RP1L1: variants seen among roughly 807,000 people sequenced by gnomAD.
The protein encoded by RP1L1 is RP1 like 1.
In RP1L1, 27 loss-of-function variants were observed where a neutral mutation model predicts 15.7. That is an observed-to-expected ratio of 1.72 (90% CI 1.27 to 2.38). The LOEUF (loss-of-function observed/expected upper bound fraction) is 2.38, where lower values mean the gene tolerates loss of function less well. RP1L1 is among the 30% of genes most tolerant of loss of function. RP1L1 has a pLI of 0.00. For synonymous variants in RP1L1, 1,813 were observed against 1,276.7 expected (o/e 1.42, Z -8.96); for missense variants, 4,798 against 3,075.9 (o/e 1.56, Z -13.24).
At chr8:10,654,238 C>T (rs1465812591) in intron 1 of RP1L1, among the ~76,000 whole-genome samples, 1 of 152,098 alleles carries the variant, frequency 6.6e-6, no homozygotes, top group Non-Finnish European at 1.5e-5. Context: ...GAGAGCAGAC[C>T]CCAGTTTGAT....
chr8:10,635,082 G>C (rs1262485886), intron 1 of RP1L1, among the ~76,000 whole-genome samples: 1 of 152,194 alleles, frequency 6.6e-6, no homozygotes, highest in African/African-American at 2.4e-5. Context: ...TAAACGCACA[G>C]AGCAATGGAA....
chr8:10,613,434 G>A (rs1024748371), intron 3 of RP1L1, 88 bp from the exon 4 acceptor site: 37 of 1,540,642 alleles, frequency 2.4e-5, no homozygotes, highest in African/African-American at 2.0e-4. Context: ...ACAGTCACGA[G>A]CCTCCCACGA....
Position 10,606,814 on chromosome 8 carries a change from G to C in RP1L1, c.*81C>G. ...GTACTATGGACATCTCCAGTGGACT[G>C]AACGTTGCTCAGTTTTGTAGAAAAA... is the stretch of plus-strand genomic sequence containing the variant. On this transcript the variant is annotated 3_prime_UTR_variant, in exon 4 of 4. Transcript: ENST00000382483. 1 of 1,601,292 alleles carries C rather than the reference G, an allele frequency of 6.2e-7. No homozygotes were observed. Among genetic ancestry groups the C allele is most frequent in the Non-Finnish European group, 8.5e-7 (1 of 1,178,496 alleles).
intron 3 of RP1L1, among the ~76,000 whole-genome samples, chr8:10,614,585 C>G (rs1372890307): frequency 6.7e-6 from 1 of 148,610 alleles, no homozygotes; most frequent in Non-Finnish European, 1.5e-5. Flanking sequence ...CACTTGAACC[C>G]GAGAGGCGGA....
At position 10,607,269 on chromosome 8, in the gene RP1L1, G is replaced by T. The variant is rs755119956; in HGVS notation, c.6829C>A (p.Pro2277Thr). ...CCACCTGGGGAAGGGGGTGGAGTGG[G>T]CCTGTCCTCAGGGACTGGGCTGCTG... ...ESSSPVPEDR[P>T]TPPPSPGGDT... Residue 2277 changes from proline (P) to threonine (T), a missense_variant, in exon 4 of 4, where the codon CCC (proline) becomes ACC (threonine). Physicochemically the swap from Pro to Thr is conservative, Grantham distance 38 (BLOSUM62 -1). Transcript: ENST00000382483. The T allele has an allele frequency of 1.2e-6, 2 of 1,614,216 alleles. No homozygotes were observed. Among genetic ancestry groups the T allele is most frequent in the Non-Finnish European group, 1.7e-6 (2 of 1,180,034 alleles).
In RP1L1 at chr8:10,623,022, G is replaced by A. The variant is rs368087618; in HGVS notation, c.180C>T (p.Thr60=). 18 of 1,614,052 alleles carry A rather than the reference G, an allele frequency of 1.1e-5. No individual in the cohort carries two copies. The highest frequency in any genetic ancestry group is 1.3e-5 in the African/African-American group (1 of 74,920). The change falls in exon 2 of 4, where the codon ACC becomes ACT. Residue 60 remains threonine (T), a synonymous_variant. Transcript: ENST00000382483. The part of the protein sequence containing the change: ...RLAVHQRAFK[T]FSALMDELSQ... The stretch of plus-strand genomic sequence containing the variant: ...AGAGCTCGTCCATGAGGGCGCTGAA[G>A]GTCTTAAAGGCGCGCTGGTGAACGG...
At chr8:10,630,504 G>C (rs144025837) in intron 1 of RP1L1, among the ~76,000 whole-genome samples, 8 of 152,334 alleles carry the variant, frequency 5.3e-5, no homozygotes, top group Non-Finnish European at 1.0e-4. Flanking sequence ...TCAAGGACAG[G>C]TTGAAAGAAA....
chr8:10,637,803 G>C (rs1313250685), intron 1 of RP1L1, among the ~76,000 whole-genome samples: 1 of 152,240 alleles, frequency 6.6e-6, no homozygotes, highest in Non-Finnish European at 1.5e-5. Flanking sequence ...GAAGTAGGAA[G>C]AGAGAGAGGA....
intron 1 of RP1L1, 44 bp from the exon 2 acceptor site, chr8:10,623,264 G>T (rs1385837173): frequency 7.7e-6 from 11 of 1,427,594 alleles, no homozygotes; most frequent in Admixed American, 4.6e-5. Context: ...CAGCTTGGGG[G>T]ATTGGCATTT....
intron 1 of RP1L1, among the ~76,000 whole-genome samples, chr8:10,646,795 A>C (rs944767927): frequency 6.6e-6 from 1 of 152,226 alleles, no homozygotes; most frequent in African/African-American, 2.4e-5. Context: ...TCCTTACAAA[A>C]CAAGGATAAT....
intron 1 of RP1L1, among the ~76,000 whole-genome samples, chr8:10,650,632 C>T (rs948801498): frequency 2.0e-5 from 3 of 151,790 alleles, no homozygotes; most frequent in Admixed American, 2.0e-4. Flanking sequence ...TCTCAGCTCA[C>T]TGCTAACCTC....
Position 10,611,909 on chromosome 8 carries a change from T to C in RP1L1, c.2189A>G (p.Gln730Arg). 6.2e-7 allele frequency: 1 copy of C among 1,613,858 alleles called. No individual in the cohort carries two copies. Among genetic ancestry groups the C allele is most frequent in the Non-Finnish European group, 8.5e-7 (1 of 1,180,022 alleles). Residue 730 changes from glutamine (Q) to arginine (R), a missense_variant, in exon 4 of 4, where the codon CAG becomes CGG. Transcript: ENST00000382483. ...GGCACTGCTGGTTCCCAGAAGGTCC[T>C]GGGAAGGAAGAGAGCCCGAGGAGGG... is the stretch of plus-strand genomic sequence containing the variant. ...RPPSSGSLPS[Q>R]DLLGTSSATV...
chr8:10,621,778 A>G (rs539575942), intron 2 of RP1L1: 2 of 505,008 alleles, frequency 4.0e-6, no homozygotes, highest in East Asian at 1.1e-4. Context: ...AGAACCTGGA[A>G]AGGCAAAAAT....
chr8:10,618,997 A>G (rs906822533), intron 2 of RP1L1, among the ~76,000 whole-genome samples: 3 of 152,142 alleles, frequency 2.0e-5, no homozygotes, highest in African/African-American at 7.2e-5. Flanking sequence ...CAGCCTTCCC[A>G]GTAGCTGGGA....
chr8:10,635,819 C>T (rs56931545), intron 1 of RP1L1, among the ~76,000 whole-genome samples: 37,787 of 152,142 alleles, frequency 0.25, 4,992 homozygotes, highest in Non-Finnish European at 0.27. Flanking sequence ...TAGTTACTTA[C>T]GGAGCGCTGA....
At position 10,634,527 on chromosome 8, in the gene RP1L1, G is replaced by C. The variant is rs187147175; in HGVS notation, c.-19-11307C>G. ...CGAGGATCAGGTCTGGTGTTGCTGT[G>C]TGGAGAGAAATGGGTTTCCATTTCC... On this transcript the variant is annotated intron_variant, in intron 1 of 3. Transcript: ENST00000382483. Among the ~76,000 whole-genome samples, 370 of 152,308 alleles carry C rather than the reference G, an allele frequency of 2.4e-3. 1 individual carries two copies. The highest frequency in any genetic ancestry group is 8.0e-3 in the Admixed American group (123 of 15,302).
intron 1 of RP1L1, among the ~76,000 whole-genome samples, chr8:10,642,541 G>C (rs1232542691): frequency 1.3e-5 from 2 of 152,214 alleles, no homozygotes; most frequent in Non-Finnish European, 2.9e-5. Context: ...AAGGCACTCA[G>C]ATGCCAATGA....
At chr8:10,643,520 G>C (rs1186189552) in intron 1 of RP1L1, among the ~76,000 whole-genome samples, 2 of 152,090 alleles carry the variant, frequency 1.3e-5, no homozygotes, top group South Asian at 2.1e-4. Context: ...AGGGATCAGA[G>C]ATAAGAGATA....
Position 10,606,998 on chromosome 8 carries a change from C to G in RP1L1, c.7100G>C (p.Ser2367Thr), listed in dbSNP as rs1484887563. The stretch of plus-strand genomic sequence containing the variant: ...GTCCTCTTGTAGGTCATAACCTTCA[C>G]TGGCCCCCTGCTCTGGAGTCCTTGA... ...LGSRTPEQGA[S>T]EGYDLQEDQA... Residue 2367 changes from serine to threonine, a missense_variant, in exon 4 of 4, where the codon AGT becomes ACT. Ser to Thr is a moderately conservative substitution (Grantham distance 58). Transcript: ENST00000382483. 6.2e-7 allele frequency: 1 copy of G among 1,614,246 alleles called. No individual in the cohort carries two copies. The highest frequency in any genetic ancestry group is 1.3e-5 in the African/African-American group (1 of 75,074).
Sources: allele counts gnomAD v4.1 joint callset (sites outside exome capture counted in the v4.1 genomes callset), GRCh38; gene constraint gnomAD v4.1.1; transcripts MANE v1.5; gene names NCBI Gene and HGNC (gene_info 2026-07-23, HGNC 2026-07-21).